CCKBR: variants seen among roughly 807,000 people sequenced by gnomAD.
CCKBR encodes the protein gastrin/cholecystokinin type B receptor.
In CCKBR, 33 loss-of-function variants were observed where a neutral mutation model predicts 34.6. That is an observed-to-expected ratio of 0.95 (90% CI 0.72 to 1.27). CCKBR has a LOEUF of 1.27. CCKBR is among the 50% of genes most tolerant of loss of function. The probability of loss-of-function intolerance (pLI) is 0.00; values close to 1 mark genes in which losing one functional copy is unlikely to be tolerated. For synonymous variants in CCKBR, 269 were observed against 267.5 expected (o/e 1.01, Z -0.06); for missense variants, 652 against 617.4 (o/e 1.06, Z -0.59).
At position 6,269,850 on chromosome 11, in the gene CCKBR, C is replaced by A; in HGVS notation, c.333C>A (p.Thr111=). 1 of 1,614,132 alleles carries A rather than the reference C, an allele frequency of 6.2e-7. No individual in the cohort carries two copies. The highest frequency in any genetic ancestry group is 8.5e-7 in the Non-Finnish European group (1 of 1,180,010). The change falls in exon 2 of 5, where the codon ACC becomes ACA. Residue 111 remains threonine (T), a synonymous_variant. Transcript: ENST00000334619. ...LLLAVACMPF[T]LLPNLMGTFI... Reference sequence around the variant, plus strand: ...TGGCTGTGGCTTGCATGCCCTTCACCCTCCTGCCCAATCTCATGGGCACAT... The same window carrying A: ...TGGCTGTGGCTTGCATGCCCTTCACACTCCTGCCCAATCTCATGGGCACAT...
rs767776987 is a variant in CCKBR, at chr11:6,270,625, A to G, written c.654-21A>G. The G allele has an allele frequency of 3.8e-6, 6 of 1,577,522 alleles. No individual in the cohort carries two copies. The Admixed American group carries it at 1.1e-4, about 28-fold the overall frequency. ...TTACAGCTGGACAGAAACCCGAGTG[A>G]TCTGTCTGTGTTGCCTTCAGGTCCG... On this transcript the variant is annotated intron_variant, in intron 3 of 4. Coordinates refer to ENST00000334619, the MANE Select transcript of CCKBR (RefSeq NM_176875.4).
In CCKBR at chr11:6,269,856, G is replaced by A; in HGVS notation, c.339G>A (p.Leu113=). Residue 113 remains leucine, a synonymous_variant, in exon 2 of 5, where the codon CTG becomes CTA. Coordinates refer to ENST00000334619, the MANE Select transcript of CCKBR (RefSeq NM_176875.4). The part of the protein sequence containing the change: ...LAVACMPFTL[L]PNLMGTFIFG... ...TGGCTTGCATGCCCTTCACCCTCCT[G>A]CCCAATCTCATGGGCACATTCATCT... is the stretch of plus-strand genomic sequence containing the variant. 1.9e-6 allele frequency: 3 copies of A among 1,614,098 alleles called. No individual in the cohort carries two copies. Among genetic ancestry groups the A allele is most frequent in the Non-Finnish European group, 2.5e-6 (3 of 1,180,012 alleles).
rs1228835875 is a variant in CCKBR, at chr11:6,261,450, A to AT, written c.151+1371_151+1372insT. Among the ~76,000 whole-genome samples the AT allele has an allele frequency of 6.9e-3, 223 of 32,098 alleles. 5 individuals are homozygous for AT. The highest frequency in any genetic ancestry group is 0.016 in the African/African-American group (195 of 12,290). 21.1% of individuals were successfully genotyped at this position (32,098 alleles called of 152,430 possible). A position where few individuals can be genotyped will look rare whatever the true frequency, so the allele number is the denominator to read the frequency against. ...TCCTGTTGGCAAAAAAAAAAAAAAA[A>AT]AAAAATATATATACACACACACACA... On this transcript the variant is annotated intron_variant, in intron 1 of 4. Coordinates refer to ENST00000334619, the MANE Select transcript of CCKBR (RefSeq NM_176875.4).
intron 1 of CCKBR, among the ~76,000 whole-genome samples, chr11:6,267,600 C>G (rs1848228369): frequency 6.6e-6 from 1 of 152,150 alleles, no homozygotes; most frequent in Non-Finnish European, 1.5e-5. Context: ...TAAGAGTATA[C>G]TCTAAAATAA....
chr11:6,269,955 C>G, intron 2 of CCKBR, 35 bp downstream of exon 2: 2 of 1,611,140 alleles, frequency 1.2e-6, no homozygotes, highest in Non-Finnish European at 1.7e-6. Context: ...CCACTTGCCA[C>G]TCTCCCCGCC....
chr11:6,264,621 T>G, intron 1 of CCKBR: 1 of 688,062 alleles, frequency 1.5e-6, no homozygotes, highest in East Asian at 2.7e-5. Context: ...CACTTGTGGA[T>G]GTACCCCAGC....
At position 6,259,959 on chromosome 11, in the gene CCKBR, C is replaced by T; in HGVS notation, c.31C>T (p.Gln11Ter). 1 of 1,531,358 alleles carries T rather than the reference C, an allele frequency of 6.5e-7. No homozygotes were observed. Among genetic ancestry groups the T allele is most frequent in the Non-Finnish European group, 8.7e-7 (1 of 1,144,664 alleles). The allele number at this position is 1,531,358 out of a possible 1,614,324, so 94.9% of individuals were successfully genotyped here. Reference protein sequence around the residue: MELLKLNRSVQGTGPGPGASL... With the variant: MELLKLNRSV ...GCTGCTAAAGCTGAACCGGAGCGTG[C>T]AGGGAACCGGACCCGGGCCGGGGGC... The change falls in exon 1 of 5, where the codon CAG (glutamine) becomes TAG (stop). Residue 11 changes from glutamine (Q) to a stop codon, truncating the protein, a stop_gained. Transcript: ENST00000334619. LOFTEE classifies it high-confidence loss of function.
At chr11:6,263,905 G>A (rs1258773085) in intron 1 of CCKBR, among the ~76,000 whole-genome samples, 1 of 152,212 alleles carries the variant, frequency 6.6e-6, no homozygotes, top group Non-Finnish European at 1.5e-5. Context: ...CTACTCACAA[G>A]TAGACCTCTG....
chr11:6,270,620 G>T (rs199863655), intron 3 of CCKBR, 26 bp from the exon 4 acceptor site: 13 of 1,572,066 alleles, frequency 8.3e-6, no homozygotes, highest in South Asian at 1.2e-5. Context: ...ACAGAAACCC[G>T]AGTGATCTGT....
Position 6,270,305 on chromosome 11 carries a change from TCGC to T in CCKBR, c.622_624del (p.Arg208del). ...GGCCTCGTGTGCTGCAGTGCGTGCATCGCTGGCCCAGTGCGCGGGTCCGCCAGA... is the reference window on the plus strand; with the variant it reads ...GGCCTCGTGTGCTGCAGTGCGTGCATTGGCCCAGTGCGCGGGTCCGCCAGA... On this transcript the variant is annotated inframe_deletion, in exon 3 of 5. Coordinates refer to ENST00000334619, the MANE Select transcript of CCKBR (RefSeq NM_176875.4). 3 of 1,613,270 alleles carry T rather than the reference TCGC, an allele frequency of 1.9e-6. No homozygotes were observed. Among genetic ancestry groups the T allele is most frequent in the Non-Finnish European group, 2.5e-6 (3 of 1,179,884 alleles).
In CCKBR at chr11:6,261,460, T is replaced by TAC. The variant is rs1424116518; in HGVS notation, c.151+1382_151+1383insCA. On this transcript the variant is annotated intron_variant, in intron 1 of 4. Coordinates refer to ENST00000334619, the MANE Select transcript of CCKBR (RefSeq NM_176875.4). ...AAAAAAAAAAAAAAAAAAAAATATA[T>TAC]ATACACACACACACACACACACACA... 3.0e-3 allele frequency among the ~76,000 whole-genome samples: 102 copies of TAC among 34,396 alleles called. 6 individuals are homozygous for TAC. Among genetic ancestry groups the TAC allele is most frequent in the Middle Eastern group, 0.012 (1 of 86 alleles). 22.6% of individuals were successfully genotyped at this position (34,396 alleles called of 152,430 possible).
At chr11:6,265,240 ACAG>A (rs1417085569) in intron 1 of CCKBR, among the ~76,000 whole-genome samples, 2 of 152,226 alleles carry the variant, frequency 1.3e-5, no homozygotes, top group Admixed American at 6.5e-5. Context: ...GTCCAGTAAA[ACAG>A]CAGAACACTG....
intron 1 of CCKBR, among the ~76,000 whole-genome samples, chr11:6,262,686 AAG>A (rs57265861): frequency 0.043 from 5,183 of 119,262 alleles, 180 homozygotes; most frequent in African/African-American, 0.09. Context: ...TAGGCAAAGA[AAG>A]AGAGAGAGAG....
At chr11:6,269,526 A>C (rs3901667) in intron 1 of CCKBR, 143 bp from the exon 2 acceptor site, 62,147 of 951,752 alleles carry the variant, frequency 0.065, 2,200 homozygotes, top group Non-Finnish European at 0.073. Context: ...AAAGGATTCA[A>C]GTTCACCATT....
chr11:6,270,948 G>A (rs1848295857), intron 4 of CCKBR, 63 bp from the exon 5 acceptor site: 2 of 1,612,776 alleles, frequency 1.2e-6, no homozygotes, highest in South Asian at 1.1e-5. Flanking sequence ...AGGTCAGGTG[G>A]GGACTGGGCT....
rs200729292 is a variant in CCKBR, at chr11:6,270,322, G to A, written c.638G>A (p.Arg213Gln). The change falls in exon 3 of 5, where the codon CGG becomes CAG. Residue 213 changes from arginine (R) to glutamine (Q), a missense_variant. Coordinates refer to ENST00000334619, the MANE Select transcript of CCKBR (RefSeq NM_176875.4). ...TGCGTGCATCGCTGGCCCAGTGCGC[G>A]GGTCCGCCAGACCTGGTGAGCTTGC... ...LQCVHRWPSA[R>Q]VRQTWSVLLL... 1 of 1,612,170 alleles carries A rather than the reference G, an allele frequency of 6.2e-7. No individual in the cohort carries two copies. Among genetic ancestry groups the A allele is most frequent in the Non-Finnish European group, 8.5e-7 (1 of 1,179,368 alleles).
Position 6,270,185 on chromosome 11 carries a change from G to A in CCKBR, c.501G>A (p.Thr167=), listed in dbSNP as rs1407675145. The A allele has an allele frequency of 6.2e-7, 1 of 1,613,690 alleles. No homozygotes were observed. Residue 167 remains threonine, a synonymous_variant, in exon 3 of 5, where the codon ACG becomes ACA. Coordinates refer to ENST00000334619, the MANE Select transcript of CCKBR (RefSeq NM_176875.4). ...CACTGCAGGCACGAGTGTGGCAGAC[G>A]CGCTCCCACGCGGCTCGCGTGATTG... The part of the protein sequence containing the change: ...CRPLQARVWQ[T]RSHAARVIVA...
At chr11:6,266,122 T>C (rs1440151108) in intron 1 of CCKBR, among the ~76,000 whole-genome samples, 2 of 152,044 alleles carry the variant, frequency 1.3e-5, no homozygotes, top group East Asian at 1.9e-4. Context: ...ACATACATAC[T>C]AATACAGTGA....
In CCKBR at chr11:6,270,652, A is replaced by G. The variant is rs1848285746; in HGVS notation, c.660A>G (p.Val220=). ...CTGTCTGTGTTGCCTTCAGGTCCGT[A>G]CTGCTGCTTCTGCTCTTGTTCTTCA... ...PSARVRQTWS[V]LLLLLLFFIP... is the part of the protein sequence containing the mutation. Residue 220 remains valine, a synonymous_variant, in exon 4 of 5, where the codon GTA becomes GTG. Coordinates refer to ENST00000334619, the MANE Select transcript of CCKBR (RefSeq NM_176875.4). The G allele has an allele frequency of 6.2e-7, 1 of 1,608,054 alleles. No individual in the cohort carries two copies.
Sources: allele counts gnomAD v4.1 joint callset (sites outside exome capture counted in the v4.1 genomes callset), GRCh38; gene constraint gnomAD v4.1.1; transcripts MANE v1.5; gene names NCBI Gene and HGNC (gene_info 2026-07-23, HGNC 2026-07-21).